The following TOB2 variants were observed in gnomAD, a reference collection of about 807,000 sequenced individuals.
The protein encoded by TOB2 is protein Tob2.
A neutral mutation model predicts 17.3 loss-of-function variants in TOB2; 3 were observed. The ratio of observed to expected loss-of-function variants is 0.17; its 90% CI spans 0.08 to 0.45. The LOEUF (loss-of-function observed/expected upper bound fraction) is 0.45. TOB2 is among the 20% of genes least tolerant of loss of function. The pLI, the probability that TOB2 is intolerant of heterozygous loss-of-function variation, is 0.99. For synonymous variants in TOB2, 163 were observed against 185.6 expected, an observed-to-expected ratio of 0.88 and a Z score of 0.99; for missense variants, 407 against 445.7, an observed-to-expected ratio of 0.91 and a Z score of 0.78.
At chr22:41,438,754 G>A (rs1177212657) in intron 1 of TOB2, among the ~76,000 whole-genome samples, 1 of 151,282 alleles carries the variant, frequency 6.6e-6, no homozygotes, top group Non-Finnish European at 1.5e-5. Flanking sequence ...CTGCTGACTC[G>A]GGGCTGCCAC....
intron 1 of TOB2, 137 bp from the exon 2 acceptor site, chr22:41,437,544 G>T: frequency 1.9e-6 from 2 of 1,053,034 alleles, no homozygotes; most frequent in Non-Finnish European, 2.6e-6. Context: ...GCTCATGTCT[G>T]ACTGTGGGCC....
intron 1 of TOB2, among the ~76,000 whole-genome samples, chr22:41,444,668 C>T (rs1006908277): frequency 2.0e-5 from 3 of 152,226 alleles, no homozygotes; most frequent in African/African-American, 7.2e-5. Flanking sequence ...GTCGGCGCCC[C>T]CCTCCCATCG....
rs749772555 is a variant in TOB2, at chr22:41,437,180, G to A, written c.166C>T (p.Arg56Cys). Reference protein sequence around the residue: ...PEKPLKGSGFRCVHIGEMVDP... With the variant: ...PEKPLKGSGFCCVHIGEMVDP... Reference sequence around the variant, plus strand: ...ACCATCTCCCCAATGTGAACACAGCGGAAGCCAGAGCCTTTCAGTGGCTTC... The same window carrying A: ...ACCATCTCCCCAATGTGAACACAGCAGAAGCCAGAGCCTTTCAGTGGCTTC... Residue 56 changes from arginine (R) to cysteine (C), a missense_variant, in exon 2 of 2, where the codon CGC (arginine) becomes TGC (cysteine). By Grantham distance (180) the Arg-to-Cys change is radical. Coordinates refer to ENST00000327492, the MANE Select transcript of TOB2 (RefSeq NM_016272.4). 2 of 1,614,144 alleles carry A rather than the reference G, an allele frequency of 1.2e-6. No individual in the cohort carries two copies. Among genetic ancestry groups the A allele is most frequent in the Non-Finnish European group, 1.7e-6 (2 of 1,180,026 alleles).
intron 1 of TOB2, among the ~76,000 whole-genome samples, chr22:41,445,396 C>A (rs2037672696): frequency 6.6e-6 from 1 of 152,176 alleles, no homozygotes; most frequent in Non-Finnish European, 1.5e-5. Flanking sequence ...GGGGTAGAAG[C>A]CCAAGAAAGC....
chr22:41,441,772 G>A (rs2037623278), intron 1 of TOB2, among the ~76,000 whole-genome samples: 1 of 151,988 alleles, frequency 6.6e-6, no homozygotes, highest in South Asian at 2.1e-4. Flanking sequence ...TTAGCCGGGT[G>A]TGGTGGCACA....
At chr22:41,445,392 G>C (rs1351987076) in intron 1 of TOB2, among the ~76,000 whole-genome samples, 1 of 152,206 alleles carries the variant, frequency 6.6e-6, no homozygotes, top group East Asian at 1.9e-4. Flanking sequence ...GATGGGGGTA[G>C]AAGCCCAAGA....
Position 41,436,676 on chromosome 22 carries a change from T to C in TOB2, c.670A>G (p.Thr224Ala). ...PQQPRMARSP[T>A]NSLLKHKSLS... ...CTCTTGTGCTTCAGCAGGCTGTTGG[T>C]GGGTGAGCGGGCCATGCGAGGCTGC... Residue 224 changes from threonine to alanine, a missense_variant, in exon 2 of 2, where the codon ACC (threonine) becomes GCC (alanine). Transcript: ENST00000327492. The surrounding 1 kb of genome is among the most constrained non-coding windows in gnomAD (Gnocchi z 4.8). 1 of 1,613,964 alleles carries C rather than the reference T, an allele frequency of 6.2e-7. No individual in the cohort carries two copies. Among genetic ancestry groups the C allele is most frequent in the Non-Finnish European group, 8.5e-7 (1 of 1,179,972 alleles).
At chr22:41,441,269 C>T (rs569802375) in intron 1 of TOB2, among the ~76,000 whole-genome samples, 35 of 148,616 alleles carry the variant, frequency 2.4e-4, no homozygotes, top group Middle Eastern at 3.5e-3. Flanking sequence ...GAGCTGAGAT[C>T]GTGCCATTGC....
At chr22:41,445,864 C>T (rs1232761914) in intron 1 of TOB2, among the ~76,000 whole-genome samples, 1 of 152,152 alleles carries the variant, frequency 6.6e-6, no homozygotes, top group Non-Finnish European at 1.5e-5. Context: ...TGACCTGTCC[C>T]GTCGCCAAAG....
intron 1 of TOB2, among the ~76,000 whole-genome samples, chr22:41,439,060 C>T (rs1261183973): frequency 2.0e-5 from 3 of 152,192 alleles, no homozygotes; most frequent in African/African-American, 7.2e-5. Flanking sequence ...TGGCCTGGGC[C>T]AGCCTCATGT....
chr22:41,436,608 G>A lies in TOB2; in HGVS notation c.738C>T (p.Asn246=). The A allele has an allele frequency of 6.2e-7, 1 of 1,613,114 alleles. No homozygotes were observed. The change falls in exon 2 of 2, where the codon AAC becomes AAT. Residue 246 remains asparagine, a synonymous_variant. Transcript: ENST00000327492. The surrounding 1 kb of genome is among the most constrained non-coding windows in gnomAD (Gnocchi z 4.8). ...GTGAGAGCTGGGACTGAGGGGCCGG[G>A]TTGGCCGTGATGAAGTTCAGTGAAT... ...SMHSLNFITA[N]PAPQSQLSPN...
At chr22:41,445,840 A>T (rs1203055308) in intron 1 of TOB2, among the ~76,000 whole-genome samples, 3 of 152,182 alleles carry the variant, frequency 2.0e-5, no homozygotes, top group Non-Finnish European at 4.4e-5. Context: ...CAGTGGCCCA[A>T]GGACAATCTC....
At chr22:41,438,523 G>A (rs2037578533) in intron 1 of TOB2, among the ~76,000 whole-genome samples, 2 of 149,416 alleles carry the variant, frequency 1.3e-5, no homozygotes, top group Admixed American at 1.3e-4. Context: ...CCAGCTACCC[G>A]GGAGGTTGAG....
Position 41,436,141 on chromosome 22 carries a change from G to A in TOB2, c.*170C>T, listed in dbSNP as rs1001797394. The stretch of plus-strand genomic sequence containing the variant: ...TAAGGGGTGAGTGAAACACACTTGG[G>A]TGCTTTGCAGGGCCCTCCCATTCCG... On this transcript the variant is annotated 3_prime_UTR_variant, in exon 2 of 2. Transcript: ENST00000327492. The surrounding 1 kb of genome is among the most constrained non-coding windows in gnomAD (Gnocchi z 4.8). The A allele has an allele frequency of 6.3e-6, 5 of 791,764 alleles. No individual in the cohort carries two copies. The highest frequency in any genetic ancestry group is 3.7e-6 in the Non-Finnish European group (2 of 542,092). The allele number at this position is 791,764 out of a possible 1,614,324, so 49.0% of individuals were successfully genotyped here.
intron 1 of TOB2, among the ~76,000 whole-genome samples, chr22:41,444,385 T>A (rs2037656796): frequency 2.0e-5 from 3 of 152,158 alleles, no homozygotes; most frequent in Admixed American, 6.5e-5. Flanking sequence ...TCTAGGGCAC[T>A]CCATGTTCCT....
intron 1 of TOB2, among the ~76,000 whole-genome samples, chr22:41,440,372 C>T (rs2037602753): frequency 6.6e-6 from 1 of 151,960 alleles, no homozygotes; most frequent in Non-Finnish European, 1.5e-5. Flanking sequence ...CCACCTCAGC[C>T]TCCCAAAGTG....
At chr22:41,445,944 C>G (rs1325152013) in intron 1 of TOB2, among the ~76,000 whole-genome samples, 1 of 152,202 alleles carries the variant, frequency 6.6e-6, no homozygotes, top group Non-Finnish European at 1.5e-5. Flanking sequence ...TTACCACCCC[C>G]CTTCCCTGCA....
chr22:41,442,094 CAAAAAAAAA>C (rs34651461), intron 1 of TOB2, among the ~76,000 whole-genome samples: 6 of 105,876 alleles, frequency 5.7e-5, no homozygotes, highest in Admixed American at 5.4e-4. Flanking sequence ...AATTCTGCCT[CAAAAAAAAA>C]AAAAAAAGAA....
rs763796497 is a variant in TOB2, at chr22:41,436,417, T to C, written c.929A>G (p.Asn310Ser). Residue 310 changes from asparagine to serine, a missense_variant, in exon 2 of 2, where the codon AAC (asparagine) becomes AGC (serine). Coordinates refer to ENST00000327492, the MANE Select transcript of TOB2 (RefSeq NM_016272.4). This position sits in a 1 kb window ranked among gnomAD's most constrained non-coding sequence, Gnocchi z 4.8. ...DMAQVFGGGA[N>S]SLFLEKTPFV... ...GGGTGTCTTCTCCAGGAAGAGGCTG[T>C]TGGCACCACCTCCAAATACCTGGGC... 15 of 1,614,088 alleles carry C rather than the reference T, an allele frequency of 9.3e-6. No homozygotes were observed. Among genetic ancestry groups the C allele is most frequent in the Non-Finnish European group, 1.2e-5 (14 of 1,180,020 alleles).
Sources: gnomAD v4.1 joint callset for allele counts (sites outside exome capture counted in the v4.1 genomes callset) on GRCh38, gnomAD v4.1.1 for gene constraint, Gnocchi (gnomAD v3.1) non-coding constraint, MANE v1.5 for transcripts, NCBI Gene and HGNC (gene_info 2026-07-23, HGNC 2026-07-21) for gene names.